Variants in CLDN14 observed in about 807,000 individuals in gnomAD.
The protein encoded by CLDN14 is claudin 14, also known as claudin-14.
Under a neutral mutation model 2.1 loss-of-function variants are expected in CLDN14, and 2 were observed. The observed-to-expected ratio is 0.96, with a 90% CI of 0.39 to 3.01. The LOEUF is 3.01. Ranked by LOEUF, CLDN14 falls within the 30% of genes most tolerant of loss-of-function variation. The pLI, the probability that CLDN14 is intolerant of heterozygous loss-of-function variation, is 0.09. For missense variants in CLDN14, 298 were observed against 328.0 expected (o/e 0.91, Z 0.71); for synonymous variants, 136 against 154.4 (o/e 0.88, Z 0.88).
In CLDN14 at chr21:36,563,997, C is replaced by A. The variant is rs183864833; in HGVS notation, c.-220+12414G>T. Among the ~76,000 whole-genome samples, 206 of 152,298 alleles carry A rather than the reference C, an allele frequency of 1.4e-3. 1 individual carries two copies. The highest frequency in any genetic ancestry group is 4.5e-3 in the African/African-American group (189 of 41,562). On this transcript the variant is annotated intron_variant, in intron 1 of 2. Coordinates refer to the CLDN14 transcript ENST00000342108. ...CCTAATGGGAAAGTGTATTCGATGA[C>A]CTGAAAGTTCACATGCCTTAAATCT... is the stretch of plus-strand genomic sequence containing the variant.
chr21:36,469,536 C>T (rs992745408), intron 1 of CLDN14, among the ~76,000 whole-genome samples: 2 of 152,180 alleles, frequency 1.3e-5, no homozygotes, highest in East Asian at 1.9e-4. Context: ...CAAAATCACA[C>T]GGAAATGACA....
chr21:36,487,095 C>T, intron 2 of CLDN14: 1 of 215,380 alleles, frequency 4.6e-6, no homozygotes, highest in Non-Finnish European at 9.2e-6. Flanking sequence ...AGGGATTCTC[C>T]TGTCTCAGCC....
intron 2 of CLDN14, among the ~76,000 whole-genome samples, chr21:36,493,031 G>A (rs139138612): frequency 1.6e-3 from 239 of 152,302 alleles, no homozygotes; most frequent in African/African-American, 5.5e-3. Context: ...TCAAACTCTT[G>A]GCCTTTAAAG....
intron 2 of CLDN14, among the ~76,000 whole-genome samples, chr21:36,497,156 AG>A (rs1298548628): frequency 1.3e-4 from 2 of 14,984 alleles, no homozygotes; most frequent in African/African-American, 2.8e-4. Flanking sequence ...GGAGGAAGGG[AG>A]GGAGGGAGGG....
intron 1 of CLDN14, among the ~76,000 whole-genome samples, chr21:36,557,893 C>A (rs2087610085): frequency 6.6e-6 from 1 of 152,158 alleles, no homozygotes; most frequent in African/African-American, 2.4e-5. Flanking sequence ...TTCCTTAATG[C>A]TTTCCTCTAG....
chr21:36,554,929 C>T (rs2087588330), intron 1 of CLDN14, among the ~76,000 whole-genome samples: 1 of 152,212 alleles, frequency 6.6e-6, no homozygotes, highest in Non-Finnish European at 1.5e-5. Context: ...ATGCCATTCC[C>T]CAAATTCTTC....
chr21:36,487,152 T>A (rs1477493764), intron 2 of CLDN14: 1 of 209,652 alleles, frequency 4.8e-6, no homozygotes, highest in Non-Finnish European at 9.5e-6. Flanking sequence ...ACCCGGCTAA[T>A]TTTTGTATTT....
chr21:36,570,944 C>G (rs1026263069), intron 1 of CLDN14, among the ~76,000 whole-genome samples: 1 of 152,208 alleles, frequency 6.6e-6, no homozygotes, highest in South Asian at 2.1e-4. Context: ...CCGGTTCCAG[C>G]AATTCTCCTG....
intron 2 of CLDN14, chr21:36,486,792 G>T: frequency 1.3e-6 from 1 of 770,088 alleles, no homozygotes. Context: ...TGTGATTCTT[G>T]CCCCGTCAGC....
chr21:36,472,424 G>T (rs77147525), intron 1 of CLDN14, among the ~76,000 whole-genome samples: 2,959 of 152,274 alleles, frequency 0.019, 34 homozygotes, highest in African/African-American at 0.037. Context: ...GGGTTTGGAG[G>T]ATGTGATGAT....
chr21:36,526,117 C>T (rs1382849656), intron 1 of CLDN14, among the ~76,000 whole-genome samples: 3 of 152,164 alleles, frequency 2.0e-5, no homozygotes, highest in Non-Finnish European at 4.4e-5. Context: ...AGGAGTCTAG[C>T]TGAAGATCAT....
intron 1 of CLDN14, among the ~76,000 whole-genome samples, chr21:36,518,109 C>CACACACACACACACA: frequency 6.8e-6 from 1 of 147,794 alleles, no homozygotes; most frequent in African/African-American, 2.5e-5. Flanking sequence ...CACACACACA[C>CACACACACACACACA]GACCTGTTGG....
intron 1 of CLDN14, among the ~76,000 whole-genome samples, chr21:36,529,769 C>T (rs959793088): frequency 2.6e-5 from 4 of 152,226 alleles, no homozygotes; most frequent in Admixed American, 2.6e-4. Context: ...GTCTCATAAT[C>T]TTTTCCTTAT....
rs181629254 is a variant in CLDN14, at chr21:36,461,857, G to T, written c.-81-81C>A. On this transcript the variant is annotated intron_variant, in intron 1 of 1. Coordinates refer to ENST00000399135, the MANE Select transcript of CLDN14 (RefSeq NM_001146079.2). Reference sequence around the variant, plus strand: ...ATCTCATGCACTTATTTCTGTCACCGAAACCAAGTTTTTCATAGGTGGTTG... The same window carrying T: ...ATCTCATGCACTTATTTCTGTCACCTAAACCAAGTTTTTCATAGGTGGTTG... The T allele has an allele frequency of 1.0e-5, 10 of 994,920 alleles. No individual in the cohort carries two copies. In the Admixed American group the frequency reaches 1.7e-4, roughly 17 times the overall value. The allele number at this position is 994,920 out of a possible 1,614,324, so 61.6% of individuals were successfully genotyped here.
chr21:36,549,275 C>CACAT (rs1288809122), intron 1 of CLDN14, among the ~76,000 whole-genome samples: 3 of 150,384 alleles, frequency 2.0e-5, no homozygotes, highest in Non-Finnish European at 3.0e-5. Flanking sequence ...ATTACACACA[C>CACAT]ACTCTCTCTC....
intron 1 of CLDN14, among the ~76,000 whole-genome samples, chr21:36,555,164 T>C (rs2087589889): frequency 1.3e-5 from 2 of 152,246 alleles, no homozygotes; most frequent in East Asian, 3.9e-4. Flanking sequence ...CTTGCTGTTC[T>C]AGAATGCCTA....
At chr21:36,559,551 A>G (rs999298341) in intron 1 of CLDN14, among the ~76,000 whole-genome samples, 2 of 152,160 alleles carry the variant, frequency 1.3e-5, no homozygotes, top group African/African-American at 4.8e-5. Flanking sequence ...TTCTGCACCT[A>G]TTGAGATTAT....
chr21:36,467,463 A>T (rs1349392847), intron 1 of CLDN14, among the ~76,000 whole-genome samples: 1 of 147,072 alleles, frequency 6.8e-6, no homozygotes, highest in Non-Finnish European at 1.5e-5. Flanking sequence ...TCCTTTCTCT[A>T]GTTCTTCAGG....
chr21:36,537,198 A>G (rs2087430659), intron 1 of CLDN14, among the ~76,000 whole-genome samples: 1 of 152,150 alleles, frequency 6.6e-6, no homozygotes, highest in Non-Finnish European at 1.5e-5. Context: ...TCTCAAACAA[A>G]CAAACAAAAA....
Sources: gnomAD v4.1 joint callset for allele counts (sites outside exome capture counted in the v4.1 genomes callset) on GRCh38, gnomAD v4.1.1 for gene constraint, MANE v1.5 for transcripts, NCBI Gene and HGNC (gene_info 2026-07-23, HGNC 2026-07-21) for gene names.